PRKN: variants seen among roughly 807,000 people sequenced by gnomAD.
PRKN encodes E3 ubiquitin-protein ligase parkin.
Under a neutral mutation model 59.5 loss-of-function variants are expected in PRKN, and 56 were observed. The ratio of observed to expected loss-of-function variants is 0.94; its 90% CI spans 0.76 to 1.18. The LOEUF is 1.18. PRKN is among the 50% of genes most tolerant of loss of function. PRKN has a pLI of 0.00. For synonymous variants in PRKN, 250 were observed against 222.1 expected (o/e 1.13, Z -1.12); for missense variants, 657 against 596.4 (o/e 1.10, Z -1.06).
chr6:161,886,504 C>T (rs1795152484), intron 6 of PRKN, among the ~76,000 whole-genome samples: 1 of 152,048 alleles, frequency 6.6e-6, no homozygotes, highest in African/African-American at 2.4e-5. Flanking sequence ...TGAGACCAGC[C>T]TGACCAACAC....
At chr6:161,827,921 C>T (rs748228747) in intron 6 of PRKN, among the ~76,000 whole-genome samples, 2 of 152,220 alleles carry the variant, frequency 1.3e-5, no homozygotes, top group Non-Finnish European at 2.9e-5. Flanking sequence ...CTTTACTGAT[C>T]ACAACCAAGT....
chr6:161,374,760 G>A (rs1295284078), intron 10 of PRKN, among the ~76,000 whole-genome samples: 1 of 150,948 alleles, frequency 6.6e-6, no homozygotes, highest in African/African-American at 2.4e-5. Context: ...TGTGTGGTGT[G>A]TAGCTGTGAC....
intron 1 of PRKN, among the ~76,000 whole-genome samples, chr6:162,450,404 T>TGTGA (rs1562774251): frequency 7.4e-6 from 1 of 135,908 alleles, no homozygotes; most frequent in African/African-American, 2.7e-5. Flanking sequence ...TAAACGCCCC[T>TGTGA]ATGATTGTAA....
intron 9 of PRKN, among the ~76,000 whole-genome samples, chr6:161,433,506 A>G (rs6902700): frequency 0.24 from 36,111 of 152,030 alleles, 4,464 homozygotes; most frequent in Middle Eastern, 0.27. Context: ...ACAGAAATAT[A>G]TACTGGATGA....
chr6:162,093,537 A>C (rs533635100), intron 4 of PRKN, among the ~76,000 whole-genome samples: 1 of 152,256 alleles, frequency 6.6e-6, no homozygotes, highest in Admixed American at 6.5e-5. Flanking sequence ...AAAGATACAG[A>C]CCCAATTATA....
At chr6:161,392,883 T>A (rs545977199) in intron 9 of PRKN, among the ~76,000 whole-genome samples, 2 of 152,278 alleles carry the variant, frequency 1.3e-5, no homozygotes, top group East Asian at 3.9e-4. Context: ...GCAACTAATA[T>A]GTGTTGAGTA....
At chr6:162,400,775 T>C (rs1787752864) in intron 2 of PRKN, among the ~76,000 whole-genome samples, 1 of 152,130 alleles carries the variant, frequency 6.6e-6, no homozygotes, top group Non-Finnish European at 1.5e-5. Context: ...TTTTCTCAAA[T>C]GCTTATGGAA....
At position 162,576,810 on chromosome 6, in the gene PRKN, C is replaced by CAAAAA. The variant is rs573857313; in HGVS notation, c.8-133342_8-133338dup. Among the ~76,000 whole-genome samples the CAAAAA allele has an allele frequency of 4.5e-3, 412 of 92,390 alleles. 4 individuals are homozygous for CAAAAA. The highest frequency in any genetic ancestry group is 0.016 in the African/African-American group (385 of 23,644). The allele number at this position is 92,390 out of a possible 152,430, so 60.6% of individuals were successfully genotyped here. A position where few individuals can be genotyped will look rare whatever the true frequency, so the allele number is the denominator to read the frequency against. ...CATGGGTGACAGAGTGAGACTCCGT[C>CAAAAA]AAAAAAAAAAAAAAAAAAAAAAGGG... is the stretch of plus-strand genomic sequence containing the variant. On this transcript the variant is annotated intron_variant, in intron 1 of 11. Coordinates refer to ENST00000366898, the MANE Select transcript of PRKN (RefSeq NM_004562.3).
intron 2 of PRKN, among the ~76,000 whole-genome samples, chr6:162,287,345 T>C (rs953853162): frequency 2.0e-5 from 3 of 152,056 alleles, no homozygotes; most frequent in Admixed American, 2.0e-4. Flanking sequence ...GGCAGGAGGA[T>C]TGCTTGAGCC....
At chr6:161,942,188 C>G (rs983536697) in intron 6 of PRKN, among the ~76,000 whole-genome samples, 1 of 152,078 alleles carries the variant, frequency 6.6e-6, no homozygotes, top group Non-Finnish European at 1.5e-5. Flanking sequence ...TGGGGAAAGG[C>G]TGGGCATTTT....
At chr6:162,513,244 C>T (rs1343332372) in intron 1 of PRKN, among the ~76,000 whole-genome samples, 4 of 151,780 alleles carry the variant, frequency 2.6e-5, no homozygotes, top group African/African-American at 7.3e-5. Context: ...TTTGGGAGGT[C>T]GAGGCAGGCA....
Position 162,123,126 on chromosome 6 carries a change from G to A in PRKN, c.535-68952C>T, listed in dbSNP as rs7758686. Among the ~76,000 whole-genome samples, 1,474 of 152,214 alleles carry A rather than the reference G, an allele frequency of 9.7e-3. 27 individuals carry two copies. Among genetic ancestry groups the A allele is most frequent in the African/African-American group, 0.033 (1,381 of 41,516 alleles). On this transcript the variant is annotated intron_variant, in intron 4 of 11. Transcript: ENST00000366898. ...TGGGATGCTGGTCACAATTTCTAGGGAAAAACTGAATTGCTACTACACAGT... is the reference window on the plus strand; with the variant it reads ...TGGGATGCTGGTCACAATTTCTAGGAAAAAACTGAATTGCTACTACACAGT...
At chr6:162,009,196 T>C (rs1017041936) in intron 5 of PRKN, among the ~76,000 whole-genome samples, 1 of 151,764 alleles carries the variant, frequency 6.6e-6, no homozygotes, top group Non-Finnish European at 1.5e-5. Context: ...GAGGTTGCAG[T>C]GAGCTGAGAT....
At chr6:161,795,042 A>G (rs529564041) in intron 6 of PRKN, among the ~76,000 whole-genome samples, 29 of 148,550 alleles carry the variant, frequency 2.0e-4, no homozygotes, top group Middle Eastern at 7.2e-3. Context: ...CCACCACCAC[A>G]CCCAGCTAAT....
At chr6:161,796,065 G>C (rs9458375) in intron 6 of PRKN, among the ~76,000 whole-genome samples, 3,464 of 152,200 alleles carry the variant, frequency 0.023, 142 homozygotes, top group African/African-American at 0.08. Context: ...GTTGAATTGG[G>C]TTCCATTGTT....
Position 161,722,996 on chromosome 6 carries a change from C to T in PRKN, c.871+62776G>A, listed in dbSNP as rs145275764. Among the ~76,000 whole-genome samples the T allele has an allele frequency of 1.1e-3, 162 of 152,188 alleles. 1 individual carries two copies. Among genetic ancestry groups the T allele is most frequent in the South Asian group, 1.2e-3 (6 of 4,824 alleles). On this transcript the variant is annotated intron_variant, in intron 7 of 11. Transcript: ENST00000366898. ...TTAAACAGTGCACGCTGGCTGGGCA[C>T]GGTGGCTCATGCCTGTAATCCCAGC...
At chr6:162,198,745 G>T (rs1347289559) in intron 4 of PRKN, among the ~76,000 whole-genome samples, 3 of 151,426 alleles carry the variant, frequency 2.0e-5, no homozygotes, top group Non-Finnish European at 4.4e-5. Context: ...GCATCAAGAG[G>T]CTGTGAGCAT....
intron 3 of PRKN, among the ~76,000 whole-genome samples, chr6:162,238,290 G>A (rs1368240557): frequency 6.6e-6 from 1 of 152,148 alleles, no homozygotes; most frequent in Non-Finnish European, 1.5e-5. Context: ...GCATGGGTTT[G>A]TTGTCTAGGG....
intron 5 of PRKN, among the ~76,000 whole-genome samples, chr6:161,982,924 G>C (rs1781311696): frequency 3.4e-5 from 1 of 29,012 alleles, no homozygotes; most frequent in Non-Finnish European, 5.7e-5. Context: ...TTAAACTAAA[G>C]AGCTTCTGCA....
Sources: allele counts gnomAD v4.1 joint callset (sites outside exome capture counted in the v4.1 genomes callset), GRCh38; gene constraint gnomAD v4.1.1; transcripts MANE v1.5; gene names NCBI Gene and HGNC (gene_info 2026-07-23, HGNC 2026-07-21).